The following MAJIN variants were observed in gnomAD, a reference collection of about 807,000 sequenced individuals.
MAJIN encodes the protein membrane anchored junction protein.
A neutral mutation model predicts 30.2 loss-of-function variants in MAJIN; 27 were observed. The observed-to-expected ratio is 0.89, with a 90% confidence interval of 0.66 to 1.23. The LOEUF is 1.23. MAJIN is among the 50% of genes most tolerant of loss of function. MAJIN has a pLI of 0.00. For synonymous variants in MAJIN, 78 were observed against 91.6 expected, an observed-to-expected ratio of 0.85 and a Z score of 0.85; for missense variants, 253 against 260.3, an observed-to-expected ratio of 0.97 and a Z score of 0.19.
rs1001690378 is a variant in MAJIN at position 64,950,000 on chromosome 11, G to A, written c.224-132C>T. 2.0e-5 allele frequency: 25 copies of A among 1,244,172 alleles called. No homozygotes were observed. In the East Asian group the frequency reaches 5.6e-4, roughly 28 times the overall value. The allele number at this position is 1,244,172 out of a possible 1,614,324, so 77.1% of individuals were successfully genotyped here. A position where few individuals can be genotyped will look rare whatever the true frequency, so the allele number is the denominator to read the frequency against. ...CTATGGTTTTGCTACGTCCATTTGA[G>A]TCTAAAATGTGAGCTGTAGCTCATT... On this transcript the variant is annotated intron_variant, in intron 5 of 10. Transcript: ENST00000301896.
Position 64,956,426 on chromosome 11 carries a change from T to C in MAJIN, c.102-1624A>G, listed in dbSNP as rs965041301. Among the ~76,000 whole-genome samples the C allele has an allele frequency of 3.3e-5, 5 of 151,394 alleles. No individual in the cohort carries two copies. In the East Asian group the frequency reaches 5.8e-4, roughly 18 times the overall value. On this transcript the variant is annotated intron_variant, in intron 3 of 10. Coordinates refer to ENST00000301896, the MANE Select transcript of MAJIN (RefSeq NM_001037225.3). ...ATCACTTCAACCCGGGAGGTGGAGG[T>C]TGCAGTGAGCCAAGATCGCACCATT...
At chr11:64,947,682 G>T (rs1207031303) in intron 7 of MAJIN, 106 bp downstream of exon 7, 2 of 1,258,560 alleles carry the variant, frequency 1.6e-6, no homozygotes, top group African/African-American at 1.5e-5. Context: ...ACTGGACCTG[G>T]GCAGCAACTG....
intron 1 of MAJIN, among the ~76,000 whole-genome samples, chr11:64,963,554 T>C (rs1945759824): frequency 6.6e-6 from 1 of 152,150 alleles, no homozygotes; most frequent in Admixed American, 6.5e-5. Flanking sequence ...ATACATTGAC[T>C]GGGCTGGGCG....
intron 3 of MAJIN, among the ~76,000 whole-genome samples, chr11:64,955,145 TTTCTCAC>T: frequency 6.6e-6 from 1 of 152,224 alleles, no homozygotes; most frequent in Non-Finnish European, 1.5e-5. Context: ...ATTATTTGCC[TTTCTCAC>T]TGTGTTAATA....
intron 8 of MAJIN, chr11:64,945,976 T>G (rs1482192182): frequency 2.9e-6 from 3 of 1,029,458 alleles, no homozygotes; most frequent in Non-Finnish European, 2.7e-6. Flanking sequence ...CAATTCAATC[T>G]GCACGAAAAA....
chr11:64,947,754 C>A (rs917857128), intron 7 of MAJIN, 34 bp downstream of exon 7: 1 of 1,606,818 alleles, frequency 6.2e-7, no homozygotes, highest in African/African-American at 1.3e-5. Flanking sequence ...GTGATAAAGG[C>A]AATTTTCATT....
intron 1 of MAJIN, among the ~76,000 whole-genome samples, chr11:64,970,131 A>G (rs966368185): frequency 1.3e-5 from 2 of 151,970 alleles, no homozygotes; most frequent in Admixed American, 1.3e-4. Context: ...TGGGAGGCCA[A>G]AGTGGGTGGA....
At chr11:64,963,072 A>G (rs1239744947) in intron 1 of MAJIN, among the ~76,000 whole-genome samples, 3 of 152,338 alleles carry the variant, frequency 2.0e-5, no homozygotes, top group Non-Finnish European at 4.4e-5. Context: ...GGTTGCAGTG[A>G]GCCAAGATCG....
intron 3 of MAJIN, among the ~76,000 whole-genome samples, chr11:64,956,117 A>G (rs1183984583): frequency 6.6e-6 from 1 of 152,180 alleles, no homozygotes; most frequent in Admixed American, 6.5e-5. Context: ...CCTGATCAAC[A>G]TGGAGAAACC....
At chr11:64,946,419 T>C (rs893162555) in intron 8 of MAJIN, among the ~76,000 whole-genome samples, 1 of 152,170 alleles carries the variant, frequency 6.6e-6, no homozygotes, top group Admixed American at 6.5e-5. Flanking sequence ...TACTTGACTG[T>C]GCATCAAAAC....
chr11:64,940,433 T>C (rs768140249), intron 9 of MAJIN, 141 bp downstream of exon 9: 1 of 778,988 alleles, frequency 1.3e-6, no homozygotes, highest in Non-Finnish European at 2.1e-6. Context: ...AGAGGATGGC[T>C]AACAAGCACC....
intron 3 of MAJIN, among the ~76,000 whole-genome samples, chr11:64,956,860 G>A (rs1034171891): frequency 3.0e-5 from 4 of 135,452 alleles, no homozygotes; most frequent in Middle Eastern, 4.8e-3. Flanking sequence ...TCCGCCTCCC[G>A]GGTTCAAGCG....
At chr11:64,940,143 A>C (rs1030522598) in intron 9 of MAJIN, among the ~76,000 whole-genome samples, 7 of 152,204 alleles carry the variant, frequency 4.6e-5, no homozygotes, top group Non-Finnish European at 8.8e-5. Context: ...TAGGGAGGGC[A>C]ATAGCTTGAC....
At chr11:64,968,963 C>T (rs1371497019) in intron 1 of MAJIN, among the ~76,000 whole-genome samples, 1 of 152,062 alleles carries the variant, frequency 6.6e-6, no homozygotes, top group Non-Finnish European at 1.5e-5. Context: ...CTTCTGTAGT[C>T]GTCCAGGAGA....
chr11:64,970,963 G>C (rs1302497914), intron 1 of MAJIN, among the ~76,000 whole-genome samples: 2 of 152,204 alleles, frequency 1.3e-5, no homozygotes, highest in Non-Finnish European at 2.9e-5. Context: ...GTATAGACCA[G>C]AGGAGCACTT....
chr11:64,940,456 A>G (rs1415027025), intron 9 of MAJIN, 118 bp downstream of exon 9: 8 of 993,088 alleles, frequency 8.1e-6, no homozygotes, highest in African/African-American at 1.6e-5. Flanking sequence ...CACGGGAGCA[A>G]GGCACATTAC....
intron 9 of MAJIN, 89 bp from the exon 10 acceptor site, chr11:64,939,856 GA>G: frequency 8.6e-7 from 1 of 1,162,316 alleles, no homozygotes; most frequent in Non-Finnish European, 1.2e-6. Flanking sequence ...GTATGAGCCA[GA>G]GGCAGTCTCA....
At chr11:64,951,764 CA>C (rs11329539) in intron 4 of MAJIN, among the ~76,000 whole-genome samples, 57,572 of 95,908 alleles carry the variant, frequency 0.6, 14,923 homozygotes, top group Admixed American at 0.68. Context: ...AACCTTGTCT[CA>C]AAAAAAAAAA....
chr11:64,940,713 A>G, intron 8 of MAJIN, 67 bp from the exon 9 acceptor site: 2 of 1,426,544 alleles, frequency 1.4e-6, no homozygotes, highest in South Asian at 2.3e-5. Context: ...TCTGAATGCT[A>G]TTTGCTGGTG....
Sources: gnomAD v4.1 joint callset for allele counts (sites outside exome capture counted in the v4.1 genomes callset) on GRCh38, gnomAD v4.1.1 for gene constraint, MANE v1.5 for transcripts, NCBI Gene and HGNC (gene_info 2026-07-23, HGNC 2026-07-21) for gene names.